Variants in TSGA10 observed in about 807,000 individuals in gnomAD.
TSGA10 encodes testis specific 10.
A neutral mutation model predicts 96.6 loss-of-function variants in TSGA10; 43 were observed. The observed-to-expected ratio is 0.44, with a 90% CI of 0.35 to 0.57. The LOEUF (loss-of-function observed/expected upper bound fraction) is 0.57, where lower values mean the gene tolerates loss of function less well. Ranked by LOEUF, TSGA10 falls within the 20% of genes least tolerant of loss-of-function variation. TSGA10 has a pLI of 0.01. For synonymous variants in TSGA10, 229 were observed against 269.9 expected (o/e 0.85, Z 1.48); for missense variants, 703 against 834.4 (o/e 0.84, Z 1.94).
At chr2:99,042,719 T>G (rs541274898) in intron 16 of TSGA10, among the ~76,000 whole-genome samples, 1 of 152,230 alleles carries the variant, frequency 6.6e-6, no homozygotes, top group African/African-American at 2.4e-5. Flanking sequence ...TTTTTTTTTT[T>G]TTGAGACGGA....
At chr2:99,019,714 GA>G (rs1237155709) in intron 18 of TSGA10, among the ~76,000 whole-genome samples, 7 of 151,876 alleles carry the variant, frequency 4.6e-5, no homozygotes, top group Admixed American at 1.3e-4. Context: ...AAGTTTAATA[GA>G]AAAAAAATTC....
intron 17 of TSGA10, among the ~76,000 whole-genome samples, chr2:99,030,700 C>T (rs2105041291): frequency 6.6e-6 from 1 of 152,244 alleles, no homozygotes; most frequent in East Asian, 1.9e-4. Flanking sequence ...CTTCTACATA[C>T]TAGCAAGGAA....
chr2:99,040,777 T>A (rs2082113550), intron 16 of TSGA10, among the ~76,000 whole-genome samples: 1 of 151,356 alleles, frequency 6.6e-6, no homozygotes, highest in African/African-American at 2.4e-5. Context: ...AACCTAAACA[T>A]CCTAAAATTC....
chr2:99,026,196 C>T (rs527939476), intron 17 of TSGA10, among the ~76,000 whole-genome samples: 1 of 152,308 alleles, frequency 6.6e-6, no homozygotes, highest in Admixed American at 6.5e-5. Context: ...ACATCTGCAA[C>T]TATTACTGTT....
At chr2:99,067,830 A>G (rs143695121) in intron 15 of TSGA10, among the ~76,000 whole-genome samples, 86 of 151,874 alleles carry the variant, frequency 5.7e-4, no homozygotes, top group South Asian at 1.2e-3. Context: ...CTGGCAATAC[A>G]GTGAGCCTGT....
chr2:99,098,587 G>A (rs575907153), intron 10 of TSGA10, among the ~76,000 whole-genome samples: 4 of 137,710 alleles, frequency 2.9e-5, no homozygotes, highest in Middle Eastern at 7.9e-3. Context: ...CAAAAGTAAT[G>A]AAATAATAAA....
intron 16 of TSGA10, among the ~76,000 whole-genome samples, chr2:99,043,545 G>A (rs956866148): frequency 1.3e-5 from 2 of 151,478 alleles, no homozygotes; most frequent in Non-Finnish European, 2.9e-5. Context: ...TGCTAAATAA[G>A]CAAGTAGGAT....
At chr2:99,000,141 G>A (rs1176985949) in intron 20 of TSGA10, among the ~76,000 whole-genome samples, 1 of 152,174 alleles carries the variant, frequency 6.6e-6, no homozygotes, top group Non-Finnish European at 1.5e-5. Flanking sequence ...GGAGGCTGAG[G>A]CGAGTGGATT....
At chr2:99,001,218 C>A (rs1015559229) in intron 20 of TSGA10, among the ~76,000 whole-genome samples, 3 of 152,122 alleles carry the variant, frequency 2.0e-5, no homozygotes, top group Admixed American at 2.0e-4. Flanking sequence ...GGACACCTCC[C>A]AGTAGGGGCA....
intron 17 of TSGA10, among the ~76,000 whole-genome samples, chr2:99,029,706 T>A (rs1404084772): frequency 6.6e-6 from 1 of 152,164 alleles, no homozygotes; most frequent in Non-Finnish European, 1.5e-5. Flanking sequence ...CAATCTATGA[T>A]AAAACCTCTT....
At chr2:99,056,305 GA>G (rs2083985653) in intron 16 of TSGA10, among the ~76,000 whole-genome samples, 2 of 151,792 alleles carry the variant, frequency 1.3e-5, no homozygotes, top group African/African-American at 4.8e-5. Flanking sequence ...GATTGATCTA[GA>G]AAAAAAGACT....
chr2:99,007,152 G>A (rs528398081), intron 20 of TSGA10, among the ~76,000 whole-genome samples: 23 of 152,176 alleles, frequency 1.5e-4, no homozygotes, highest in African/African-American at 4.6e-4. Flanking sequence ...TGGGGTGGGA[G>A]GAGGGGGGAG....
At position 99,064,960 on chromosome 2, in the gene TSGA10, G is replaced by A. The variant is rs2085100465; in HGVS notation, c.1383C>T (p.Ser461=). The A allele has an allele frequency of 6.3e-7, 1 of 1,599,636 alleles. No homozygotes were observed. Among genetic ancestry groups the A allele is most frequent in the Admixed American group, 1.7e-5 (1 of 57,402 alleles). ...EGNRLKEKVD[S]LNREVEQHLN... ...TTACTTGCTCAACCTCTCTGTTGAG[G>A]GAATCTACTTTTTCTTTTAATCTGT... The change falls in exon 16 of 21, where the codon TCC becomes TCT. Residue 461 remains serine, a synonymous_variant. Transcript: ENST00000393483.
Position 98,997,990 on chromosome 2 carries a change from G to T in TSGA10, c.*207C>A. 1 of 496,794 alleles carries T rather than the reference G, an allele frequency of 2.0e-6. No individual in the cohort carries two copies. The highest frequency in any genetic ancestry group is 3.5e-6 in the Non-Finnish European group (1 of 282,306). The allele number at this position is 496,794 out of a possible 1,614,324, so 30.8% of individuals were successfully genotyped here. ...TACACTCACTATCACTGCATGGATAGAAAGAGCCATATACATTTTTGTTTT... is the reference window on the plus strand; with the variant it reads ...TACACTCACTATCACTGCATGGATATAAAGAGCCATATACATTTTTGTTTT... On this transcript the variant is annotated 3_prime_UTR_variant, in exon 21 of 21. Transcript: ENST00000393483.
intron 10 of TSGA10, chr2:99,102,587 A>G (rs1334548968): frequency 6.2e-7 from 1 of 1,613,962 alleles, no homozygotes; most frequent in Non-Finnish European, 8.5e-7. Flanking sequence ...TGATTATGGA[A>G]CTTGCTGTAC....
chr2:99,092,228 G>C (rs2089442050), intron 10 of TSGA10, among the ~76,000 whole-genome samples: 1 of 152,052 alleles, frequency 6.6e-6, no homozygotes, highest in South Asian at 2.1e-4. Context: ...AAAATTCTTT[G>C]AAGTGAACAA....
chr2:99,053,105 T>A (rs1487795265), intron 16 of TSGA10, among the ~76,000 whole-genome samples: 2 of 149,558 alleles, frequency 1.3e-5, no homozygotes, highest in African/African-American at 4.9e-5. Flanking sequence ...AGTTAAGATT[T>A]AAAAAAAAAA....
At chr2:99,103,081 TAAA>T (rs538726196) in intron 10 of TSGA10, among the ~76,000 whole-genome samples, 19 of 126,710 alleles carry the variant, frequency 1.5e-4, no homozygotes, top group Admixed American at 2.4e-4. Context: ...GTTTTATGAC[TAAA>T]AAAAAAAAAA....
intron 2 of TSGA10, among the ~76,000 whole-genome samples, chr2:99,120,831 CT>C (rs1279743994): frequency 1.3e-5 from 2 of 152,146 alleles, no homozygotes; most frequent in Non-Finnish European, 2.9e-5. Flanking sequence ...TCTGCTGCCC[CT>C]TTATATTCTC....
Sources: gnomAD v4.1 joint callset for allele counts (sites outside exome capture counted in the v4.1 genomes callset) on GRCh38, gnomAD v4.1.1 for gene constraint, MANE v1.5 for transcripts, NCBI Gene and HGNC (gene_info 2026-07-23, HGNC 2026-07-21) for gene names.